Variants in STOX1 observed in about 807,000 individuals in gnomAD.
STOX1 encodes the protein storkhead-box protein 1.
STOX1 carries 57 observed loss-of-function variants against 74.8 expected under a neutral mutation model. The observed-to-expected ratio is 0.76, with a 90% CI of 0.62 to 0.95. The LOEUF (loss-of-function observed/expected upper bound fraction) is 0.95, where lower values mean the gene tolerates loss of function less well. Ranked by LOEUF, STOX1 falls within the 40% of genes least tolerant of loss-of-function variation. The pLI is 0.00. For synonymous variants in STOX1, 375 were observed against 401.3 expected (o/e 0.93, Z 0.78); for missense variants, 1,010 against 1,117.0 (o/e 0.90, Z 1.37).
chr10:68,842,241 C>T (rs999431990), intron 1 of STOX1, among the ~76,000 whole-genome samples: 1 of 152,084 alleles, frequency 6.6e-6, no homozygotes. Context: ...TTTGGACATC[C>T]CATAGGTTCA....
intron 1 of STOX1, among the ~76,000 whole-genome samples, chr10:68,856,106 A>G (rs1379653708): frequency 6.6e-6 from 1 of 151,840 alleles, no homozygotes; most frequent in African/African-American, 2.4e-5. Flanking sequence ...GCAGGTTGGG[A>G]GAGCAGGGCA....
intron 3 of STOX1, among the ~76,000 whole-genome samples, chr10:68,887,628 C>G: frequency 7.7e-6 from 1 of 130,408 alleles, no homozygotes; most frequent in Non-Finnish European, 1.6e-5. Flanking sequence ...CAGAGTTTTG[C>G]TGTCGTCCAG....
At chr10:68,888,627 A>ATTTTTTTTTTTTTTTT (rs747038041) in intron 3 of STOX1, among the ~76,000 whole-genome samples, 1 of 107,832 alleles carries the variant, frequency 9.3e-6, no homozygotes, top group Admixed American at 1.0e-4. Context: ...CTTTGCCAGT[A>ATTTTTTTTTTTTTTTT]TTTTTTTTTT....
At chr10:68,883,464 G>T (rs1375743148) in intron 2 of STOX1, among the ~76,000 whole-genome samples, 1 of 151,930 alleles carries the variant, frequency 6.6e-6, no homozygotes, top group African/African-American at 2.4e-5. Flanking sequence ...CCAAGTTGGA[G>T]TGCAGTGGTG....
chr10:68,850,475 G>C (rs1268605907), intron 1 of STOX1, among the ~76,000 whole-genome samples: 1 of 152,216 alleles, frequency 6.6e-6, no homozygotes, highest in African/African-American at 2.4e-5. Flanking sequence ...TGGGCCTTCA[G>C]CACAAAGTGC....
chr10:68,888,325 C>A (rs1841015635), intron 3 of STOX1, among the ~76,000 whole-genome samples: 1 of 152,180 alleles, frequency 6.6e-6, no homozygotes, highest in African/African-American at 2.4e-5. Context: ...TGGTCTCGAA[C>A]TCCTGACCTC....
intron 1 of STOX1, among the ~76,000 whole-genome samples, chr10:68,832,974 T>C (rs1839448775): frequency 6.6e-6 from 1 of 152,022 alleles, no homozygotes; most frequent in South Asian, 2.1e-4. Flanking sequence ...CTCGCTATGT[T>C]ATCCATTTTG....
At chr10:68,888,107 A>C in intron 3 of STOX1, among the ~76,000 whole-genome samples, 1 of 151,396 alleles carries the variant, frequency 6.6e-6, no homozygotes. Flanking sequence ...GCACACACAC[A>C]TATATGTTTT....
intron 1 of STOX1, among the ~76,000 whole-genome samples, chr10:68,837,273 A>G (rs1191480122): frequency 6.6e-6 from 1 of 152,230 alleles, no homozygotes; most frequent in Non-Finnish European, 1.5e-5. Flanking sequence ...ACACAGAATA[A>G]GTAGATGTTA....
chr10:68,894,991 T>C (rs755429641), downstream of STOX1, among the ~76,000 whole-genome samples: 1 of 152,240 alleles, frequency 6.6e-6, no homozygotes, highest in East Asian at 1.9e-4. Context: ...CCCAAAGTGC[T>C]GGAATTACAG....
At chr10:68,839,378 A>G (rs1321691933) in intron 1 of STOX1, among the ~76,000 whole-genome samples, 1 of 151,896 alleles carries the variant, frequency 6.6e-6, no homozygotes, top group Non-Finnish European at 1.5e-5. Flanking sequence ...GCGTGCCACC[A>G]CACCCGGCTA....
At chr10:68,881,049 C>T (rs1020418964) in intron 1 of STOX1, among the ~76,000 whole-genome samples, 1 of 152,092 alleles carries the variant, frequency 6.6e-6, no homozygotes. Flanking sequence ...TGGTGCTTTT[C>T]TTTATTCTCC....
intron 3 of STOX1, 135 bp from the exon 4 acceptor site, chr10:68,892,454 G>C: frequency 2.4e-6 from 2 of 819,352 alleles, no homozygotes; most frequent in Non-Finnish European, 3.9e-6. Flanking sequence ...ATTTTTAAAG[G>C]TTAACTTATT....
chr10:68,838,455 A>C (rs1217730594), intron 1 of STOX1, among the ~76,000 whole-genome samples: 1 of 152,162 alleles, frequency 6.6e-6, no homozygotes, highest in Non-Finnish European at 1.5e-5. Flanking sequence ...TACAGAACTG[A>C]TTAGTTCTAA....
rs1185911507 is a variant in STOX1, at chr10:68,833,080, G to GTTT, written c.310+5168_310+5170dup. 4.3e-3 allele frequency among the ~76,000 whole-genome samples: 446 copies of GTTT among 104,620 alleles called. 14 individuals are homozygous for GTTT. Among genetic ancestry groups the GTTT allele is most frequent in the African/African-American group, 0.016 (387 of 24,206 alleles). The allele number at this position is 104,620 out of a possible 152,430, so 68.6% of individuals were successfully genotyped here. A position where few individuals can be genotyped will look rare whatever the true frequency, so the allele number is the denominator to read the frequency against. On this transcript the variant is annotated intron_variant, in intron 1 of 3. Transcript: ENST00000298596. Reference sequence around the variant, plus strand: ...CCACCTTGCCTAGCCACTTCTGTGGGTTTTTTTTTTTTTTTTTTTTTTTGA... The same window carrying GTTT: ...CCACCTTGCCTAGCCACTTCTGTGGGTTTTTTTTTTTTTTTTTTTTTTTTTTGA...
intron 1 of STOX1, among the ~76,000 whole-genome samples, chr10:68,865,171 G>C (rs1004666940): frequency 2.6e-5 from 4 of 152,210 alleles, no homozygotes; most frequent in Admixed American, 1.3e-4. Flanking sequence ...AGGTTCAATT[G>C]CTTGCCCTAC....
downstream of STOX1, chr10:68,895,209 C>G (rs1432081594): frequency 1.3e-5 from 2 of 152,154 alleles, no homozygotes; most frequent in Non-Finnish European, 2.9e-5. Flanking sequence ...ATCCTTCCAA[C>G]TGTAAGGTTT....
intron 1 of STOX1, among the ~76,000 whole-genome samples, chr10:68,873,652 T>TTTTTTTTTTTTTC (rs1840601540): frequency 3.4e-5 from 2 of 59,546 alleles, no homozygotes; most frequent in Non-Finnish European, 7.6e-5. Flanking sequence ...TTTTTTTTTC[T>TTTTTTTTTTTTTC]TTTTTTTTTT....
At chr10:68,828,469 A>G (rs1839323918) in intron 1 of STOX1, among the ~76,000 whole-genome samples, 2 of 152,122 alleles carry the variant, frequency 1.3e-5, no homozygotes, top group Non-Finnish European at 2.9e-5. Flanking sequence ...CACTGCAGCT[A>G]TAGTCCCCAA....
Sources: allele counts gnomAD v4.1 joint callset (sites outside exome capture counted in the v4.1 genomes callset), GRCh38; gene constraint gnomAD v4.1.1; transcripts MANE v1.5; gene names NCBI Gene and HGNC (gene_info 2026-07-23, HGNC 2026-07-21).